The following EFTUD2 variants were observed in gnomAD, a reference collection of about 807,000 sequenced individuals.
EFTUD2 encodes 116 kDa U5 small nuclear ribonucleoprotein component.
In EFTUD2, 9 loss-of-function variants were observed where a neutral mutation model predicts 114.3. That is an observed-to-expected ratio of 0.08 (90% confidence interval 0.05 to 0.14). The LOEUF is 0.14. Ranked by LOEUF, EFTUD2 falls within the 10% of genes least tolerant of loss-of-function variation. EFTUD2 has a pLI of 1.00. For missense variants in EFTUD2, 765 were observed against 1,241.2 expected (o/e 0.62, Z 5.76); for synonymous variants, 449 against 462.3 (o/e 0.97, Z 0.37).
chr17:44,894,207 A>T, intron 2 of EFTUD2: 1 of 493,398 alleles, frequency 2.0e-6, no homozygotes, highest in East Asian at 3.5e-5. Flanking sequence ...ATCTCCACGA[A>T]AAATAAAAAA....
intron 3 of EFTUD2, 121 bp downstream of exon 3, chr17:44,886,464 T>A: frequency 6.7e-7 from 1 of 1,496,778 alleles, no homozygotes; most frequent in Non-Finnish European, 8.9e-7. Flanking sequence ...CCAGAAACAG[T>A]ACCTGAAGGT....
chr17:44,882,988 G>A (rs1436872017), intron 6 of EFTUD2, 105 bp downstream of exon 6: 1 of 1,016,050 alleles, frequency 9.8e-7, no homozygotes, highest in East Asian at 2.6e-5. Flanking sequence ...CACTTTGGAG[G>A]CGTCATTATT....
At chr17:44,856,344 C>T (rs1008461962) in intron 20 of EFTUD2, among the ~76,000 whole-genome samples, 4 of 151,206 alleles carry the variant, frequency 2.6e-5, no homozygotes, top group Non-Finnish European at 5.9e-5. Flanking sequence ...GCCTGGGCAA[C>T]ATGGCGAAAC....
chr17:44,853,969 C>CTA, intron 23 of EFTUD2: 1 of 1,359,986 alleles, frequency 7.4e-7, no homozygotes, highest in Non-Finnish European at 9.5e-7. Flanking sequence ...CAATCAGGGT[C>CTA]TATAAACCAT....
chr17:44,886,648 C>T lies in EFTUD2; in HGVS notation c.208G>A (p.Glu70Lys), dbSNP rs755063056. 2.4e-5 allele frequency: 38 copies of T among 1,614,056 alleles called. No individual in the cohort carries two copies. The highest frequency in any genetic ancestry group is 3.0e-5 in the Non-Finnish European group (35 of 1,180,050). Reference sequence around the variant, plus strand: ...TCCACCTCAGGACCATACACCTCCTCGGCTGTTGGGTAGTACTTCTTGTCC... The same window carrying T: ...TCCACCTCAGGACCATACACCTCCTTGGCTGTTGGGTAGTACTTCTTGTCC... ...HEDKKYYPTA[E>K]EVYGPEVETI... The change falls in exon 3 of 28, where the codon GAG becomes AAG. Residue 70 changes from glutamate (E) to lysine (K), a missense_variant. Transcript: ENST00000426333.
intron 20 of EFTUD2, among the ~76,000 whole-genome samples, chr17:44,856,385 C>G (rs1208465665): frequency 6.6e-6 from 1 of 151,674 alleles, no homozygotes; most frequent in Non-Finnish European, 1.5e-5. Context: ...AAAAAATTAG[C>G]CAGGTGTGGT....
chr17:44,868,272 C>T lies in EFTUD2; in HGVS notation c.1058+15G>A, dbSNP rs897594513. The stretch of plus-strand genomic sequence containing the variant: ...GATCACCCCTCTGGAAAGTCACGTC[C>T]CATACTCTACTTACGTCTTAGGGTT... On this transcript the variant is annotated intron_variant, in intron 12 of 27. Transcript: ENST00000426333. 40 of 1,612,154 alleles carry T rather than the reference C, an allele frequency of 2.5e-5. No individual in the cohort carries two copies. The highest frequency in any genetic ancestry group is 3.3e-5 in the Non-Finnish European group (39 of 1,179,044).
intron 12 of EFTUD2, 23 bp downstream of exon 12, chr17:44,868,264 G>A: frequency 6.2e-7 from 1 of 1,608,936 alleles, no homozygotes; most frequent in Non-Finnish European, 8.5e-7. Context: ...CCTCTGGAAA[G>A]TCACGTCCCA....
chr17:44,851,017 C>G lies in EFTUD2; in HGVS notation c.*257G>C, dbSNP rs2050438079. The G allele has an allele frequency of 4.3e-6, 2 of 469,540 alleles. No homozygotes were observed. The allele number at this position is 469,540 out of a possible 1,614,324, so 29.1% of individuals were successfully genotyped here. On this transcript the variant is annotated 3_prime_UTR_variant, in exon 28 of 28. Transcript: ENST00000426333. ...ATAGGGCCCCTTGGGGTTTCATCCC[C>G]TTCTCTTTCTGTGAGCCCAAGCTCC...
chr17:44,851,121 T>C lies in EFTUD2; in HGVS notation c.*153A>G. On this transcript the variant is annotated 3_prime_UTR_variant, in exon 28 of 28. Transcript: ENST00000426333. Reference sequence around the variant, plus strand: ...CCAAATGCTCCTCTCTCACTGGGGCTCTGGGTTGGAGGTTGGTGAGTTGTT... The same window carrying C: ...CCAAATGCTCCTCTCTCACTGGGGCCCTGGGTTGGAGGTTGGTGAGTTGTT... 1.5e-6 allele frequency: 1 copy of C among 662,236 alleles called. No individual in the cohort carries two copies. The highest frequency in any genetic ancestry group is 2.7e-6 in the Non-Finnish European group (1 of 366,816). 41.0% of individuals were successfully genotyped at this position (662,236 alleles called of 1,614,324 possible). A position where few individuals can be genotyped will look rare whatever the true frequency, so the allele number is the denominator to read the frequency against.
At chr17:44,879,521 G>C in intron 9 of EFTUD2, 35 bp downstream of exon 9, 1 of 1,608,914 alleles carries the variant, frequency 6.2e-7, no homozygotes, top group Non-Finnish European at 8.5e-7. Flanking sequence ...AAACATAACA[G>C]GTGGATGAGA....
intron 20 of EFTUD2, among the ~76,000 whole-genome samples, chr17:44,856,771 A>C (rs1387214453): frequency 4.6e-5 from 7 of 151,916 alleles, no homozygotes; most frequent in Middle Eastern, 3.4e-3. Flanking sequence ...AAAAAAAAAA[A>C]ACAAAAAAAC....
intron 2 of EFTUD2, among the ~76,000 whole-genome samples, chr17:44,890,529 C>T (rs2051260746): frequency 6.6e-6 from 1 of 151,740 alleles, no homozygotes. Flanking sequence ...CCCATCTCTA[C>T]TAAAAATACA....
intron 7 of EFTUD2, 50 bp from the exon 8 acceptor site, chr17:44,880,694 CATT>C: frequency 6.6e-7 from 1 of 1,513,022 alleles, no homozygotes; most frequent in Non-Finnish European, 9.1e-7. Flanking sequence ...AAGAGGGGTT[CATT>C]TTGTTTTTGG....
Position 44,881,537 on chromosome 17 carries a change from G to A in EFTUD2, c.528+150C>T. On this transcript the variant is annotated intron_variant, in intron 7 of 27. Coordinates refer to ENST00000426333, the MANE Select transcript of EFTUD2 (RefSeq NM_004247.4). ...TCAAGTTATAACCCTGGAGTAACTG[G>A]GGGAAGAAGGAGATGGGATGTGAGA... 2.4e-6 allele frequency: 2 copies of A among 839,218 alleles called. 1 individual carries two copies. Among genetic ancestry groups the A allele is most frequent in the South Asian group, 3.2e-5 (2 of 61,870 alleles). The allele number at this position is 839,218 out of a possible 1,614,324, so 52.0% of individuals were successfully genotyped here. A position where few individuals can be genotyped will look rare whatever the true frequency, so the allele number is the denominator to read the frequency against.
chr17:44,857,444 T>A, intron 19 of EFTUD2: 1 of 359,254 alleles, frequency 2.8e-6, no homozygotes, highest in Non-Finnish European at 5.4e-6. Flanking sequence ...GCTCTCAGCA[T>A]CCATTCAGCC....
intron 2 of EFTUD2, among the ~76,000 whole-genome samples, chr17:44,893,332 A>G (rs536637234): frequency 4.6e-5 from 7 of 152,246 alleles, no homozygotes; most frequent in Admixed American, 4.6e-4. Context: ...CGTATTGGTC[A>G]GGTTAGTCTT....
rs939013509 is a variant in EFTUD2, at chr17:44,857,264, C to A, written c.1963-107G>T. On this transcript the variant is annotated intron_variant, in intron 19 of 27. Transcript: ENST00000426333. ...TCCCTTGACACTACCTCTGTGAAAA[C>A]CCCAACTGCCTTAATCAGCACAAGT... The A allele has an allele frequency of 3.4e-6, 3 of 871,100 alleles. No individual in the cohort carries two copies. The Middle Eastern group carries it at 6.6e-4, about 191-fold the overall frequency. 54.0% of individuals were successfully genotyped at this position (871,100 alleles called of 1,614,324 possible).
intron 13 of EFTUD2, among the ~76,000 whole-genome samples, chr17:44,866,432 A>G (rs2050747354): frequency 1.4e-5 from 2 of 144,872 alleles, no homozygotes; most frequent in Non-Finnish European, 1.5e-5. Context: ...TTTTTTTGAG[A>G]CGGAGTCTTG....
Sources: allele counts gnomAD v4.1 joint callset (sites outside exome capture counted in the v4.1 genomes callset), GRCh38; gene constraint gnomAD v4.1.1; transcripts MANE v1.5; gene names NCBI Gene and HGNC (gene_info 2026-07-23, HGNC 2026-07-21).